PRSS23: variants seen among roughly 807,000 people sequenced by gnomAD.
PRSS23 encodes protease, serine 23.
A neutral mutation model predicts 34.7 loss-of-function variants in PRSS23; 25 were observed. The observed-to-expected ratio is 0.72, with a 90% CI of 0.53 to 1.01. The LOEUF (loss-of-function observed/expected upper bound fraction) is 1.01, where lower values mean the gene tolerates loss of function less well. Ranked by LOEUF, PRSS23 falls within the 50% of genes least tolerant of loss-of-function variation. The pLI is 0.00. For synonymous variants in PRSS23, 176 were observed against 186.6 expected (o/e 0.94, Z 0.46); for missense variants, 445 against 475.6 (o/e 0.94, Z 0.60).
intron 2 of PRSS23, chr11:86,946,910 A>T (rs1277450926): frequency 6.6e-6 from 1 of 152,332 alleles, no homozygotes; most frequent in Non-Finnish European, 1.5e-5. Context: ...ACTGATTTTA[A>T]GAGGTTCCTT....
chr11:86,897,334 C>G (rs368710413), intron 2 of PRSS23, among the ~76,000 whole-genome samples: 3 of 152,292 alleles, frequency 2.0e-5, no homozygotes, highest in South Asian at 4.1e-4. Flanking sequence ...AACTCCTGGC[C>G]TCAAGCAATC....
chr11:86,909,484 T>A (rs2134991946), intron 2 of PRSS23: 1 of 152,358 alleles, frequency 6.6e-6, no homozygotes, highest in East Asian at 1.9e-4. Flanking sequence ...TTCAACTGCA[T>A]CCATTTTCAG....
upstream of PRSS23, among the ~76,000 whole-genome samples, chr11:86,796,192 A>G (rs1310912924): frequency 1.3e-5 from 2 of 152,208 alleles, no homozygotes; most frequent in Non-Finnish European, 2.9e-5. Context: ...ATATAACACA[A>G]TGGAATCCAG....
At chr11:86,875,838 G>A (rs1326467687) in intron 2 of PRSS23, among the ~76,000 whole-genome samples, 2 of 152,216 alleles carry the variant, frequency 1.3e-5, no homozygotes, top group Admixed American at 1.3e-4. Flanking sequence ...ACTTTGGGCA[G>A]ACCAACTATC....
chr11:86,857,902 G>A (rs1390538186), intron 2 of PRSS23: 10 of 493,224 alleles, frequency 2.0e-5, no homozygotes, highest in East Asian at 1.6e-4. Context: ...CCTCAGCATC[G>A]TGACCAGGTA....
At chr11:86,873,962 T>C (rs1590906046) in intron 2 of PRSS23, among the ~76,000 whole-genome samples, 1 of 152,178 alleles carries the variant, frequency 6.6e-6, no homozygotes, top group East Asian at 1.9e-4. Flanking sequence ...CTATGAGCAG[T>C]TCTGAGGTGA....
downstream of PRSS23, among the ~76,000 whole-genome samples, chr11:86,813,895 A>G (rs1055484828): frequency 6.6e-6 from 1 of 152,200 alleles, no homozygotes; most frequent in African/African-American, 2.4e-5. Flanking sequence ...AATGGCAGTG[A>G]CTTTGACTTT....
At chr11:86,868,036 A>T (rs2134943088) in intron 2 of PRSS23, among the ~76,000 whole-genome samples, 1 of 152,010 alleles carries the variant, frequency 6.6e-6, no homozygotes, top group African/African-American at 2.4e-5. Flanking sequence ...ACAACACATA[A>T]TGAATGATAA....
chr11:86,944,508 C>T lies in PRSS23; in HGVS notation c.207-6708C>T, dbSNP rs538143264. On this transcript the variant is annotated intron_variant, in intron 2 of 2. Coordinates refer to the PRSS23 transcript ENST00000533902. ...GTTGGGCATGGGAAGACCTGCTGAC[C>T]AACCTTCTCCAACCCCTTTGGGTTG... Among the ~76,000 whole-genome samples, 183 of 152,214 alleles carry T rather than the reference C, an allele frequency of 1.2e-3. 2 individuals are homozygous for T. The highest frequency in any genetic ancestry group is 6.8e-3 in the Middle Eastern group (2 of 294).
At chr11:86,793,392 A>T (rs1050097137) in intron 1 of PRSS23, among the ~76,000 whole-genome samples, 1 of 152,250 alleles carries the variant, frequency 6.6e-6, no homozygotes, top group African/African-American at 2.4e-5. Context: ...AACACCCTGT[A>T]GTGGCCAAAT....
Position 86,808,766 on chromosome 11 carries a change from G to T in PRSS23, c.1123G>T (p.Gly375Ter), listed in dbSNP as rs1288147197. ...TGCCCAGATTTGCTATTGGATTAAA[G>T]GAAACTACCTGGATTGTAGGGAGGG... is the stretch of plus-strand genomic sequence containing the variant. ...KYAQICYWIKGNYLDCREG is the reference protein window; with the variant it reads ...KYAQICYWIK Residue 375 changes from glycine (G) to a stop codon, truncating the protein, a stop_gained, in exon 2 of 2, where the codon GGA becomes TGA. Coordinates refer to ENST00000280258, the MANE Select transcript of PRSS23 (RefSeq NM_007173.6). LOFTEE classifies it high-confidence loss of function. 6.2e-7 allele frequency: 1 copy of T among 1,612,918 alleles called. No homozygotes were observed. Among genetic ancestry groups the T allele is most frequent in the Non-Finnish European group, 8.5e-7 (1 of 1,179,240 alleles).
At chr11:86,878,649 A>G (rs1054099248) in intron 2 of PRSS23, among the ~76,000 whole-genome samples, 4 of 151,900 alleles carry the variant, frequency 2.6e-5, no homozygotes, top group Non-Finnish European at 4.4e-5. Context: ...TTGGCCTCCC[A>G]AAGTGCCGAG....
chr11:86,917,209 C>T (rs1393826555), intron 2 of PRSS23, among the ~76,000 whole-genome samples: 1 of 152,184 alleles, frequency 6.6e-6, no homozygotes, highest in Admixed American at 6.5e-5. Context: ...ATCCCAGCTA[C>T]TCGGGAGACT....
chr11:86,802,393 T>C (rs949152832), intron 1 of PRSS23, among the ~76,000 whole-genome samples: 14 of 152,340 alleles, frequency 9.2e-5, no homozygotes, highest in African/African-American at 3.4e-4. Context: ...TAAACGATTA[T>C]GTGATTAGGT....
intron 2 of PRSS23, among the ~76,000 whole-genome samples, chr11:86,926,112 C>G (rs974908407): frequency 5.9e-5 from 9 of 152,294 alleles, no homozygotes; most frequent in African/African-American, 2.2e-4. Flanking sequence ...CCTGTAATCC[C>G]AGCACTTTGG....
intron 2 of PRSS23, chr11:86,857,647 A>G (rs1948581390): frequency 3.8e-6 from 2 of 529,590 alleles, no homozygotes; most frequent in Admixed American, 2.0e-5. Flanking sequence ...GATGGCCACA[A>G]ATCGGTCATA....
At chr11:86,917,165 C>T (rs1949018632) in intron 2 of PRSS23, among the ~76,000 whole-genome samples, 1 of 152,098 alleles carries the variant, frequency 6.6e-6, no homozygotes, top group Admixed American at 6.5e-5. Flanking sequence ...ACTAAAAATA[C>T]AAAATGACCC....
chr11:86,886,789 A>G (rs1360928183), intron 2 of PRSS23, among the ~76,000 whole-genome samples: 1 of 152,100 alleles, frequency 6.6e-6, no homozygotes, highest in Non-Finnish European at 1.5e-5. Context: ...AAATACAAAA[A>G]TTAGCCAGGC....
At chr11:86,949,087 T>C (rs1042137008) in intron 2 of PRSS23, 1 of 152,252 alleles carries the variant, frequency 6.6e-6, no homozygotes, top group South Asian at 2.1e-4. Context: ...TCAATTCTCA[T>C]GCTCCTGGAG....
Sources: allele counts gnomAD v4.1 joint callset (sites outside exome capture counted in the v4.1 genomes callset), GRCh38; gene constraint gnomAD v4.1.1; transcripts MANE v1.5; gene names NCBI Gene and HGNC (gene_info 2026-07-23, HGNC 2026-07-21).